Variants in ERAP1 observed in about 807,000 individuals in gnomAD.
ERAP1 encodes the protein adipocyte-derived leucine aminopeptidase.
Under a neutral mutation model 103.7 loss-of-function variants are expected in ERAP1, and 86 were observed. The observed-to-expected ratio is 0.83, with a 90% CI of 0.70 to 0.99. The LOEUF is 0.99. Ranked by LOEUF, ERAP1 falls within the 50% of genes least tolerant of loss-of-function variation. ERAP1 has a pLI of 0.00. For missense variants in ERAP1, 1,009 were observed against 1,128.4 expected (o/e 0.89, Z 1.52); for synonymous variants, 398 against 402.4 (o/e 0.99, Z 0.13).
chr5:96,917,451 A>G, the ERAP1 span: 2 of 1,607,290 alleles, frequency 1.2e-6, no homozygotes, highest in Non-Finnish European at 1.7e-6. Context: ...TTTTTCTTCA[A>G]TATTTTACAG....
At chr5:96,933,381 T>C in the ERAP1 span, among the ~76,000 whole-genome samples, 1 of 152,010 alleles carries the variant, frequency 6.6e-6, no homozygotes, top group Middle Eastern at 3.2e-3. Flanking sequence ...TACAGGTGTG[T>C]GCCACCACTC....
chr5:96,766,039 C>T, intron 19 of ERAP1: 3 of 1,398,700 alleles, frequency 2.1e-6, no homozygotes, highest in African/African-American at 1.4e-5. Flanking sequence ...TCTATCTGCT[C>T]ACTGTTGATA....
At chr5:96,833,841 A>G in the ERAP1 span, among the ~76,000 whole-genome samples, 1 of 151,754 alleles carries the variant, frequency 6.6e-6, no homozygotes, top group Non-Finnish European at 1.5e-5. Context: ...GAATTCTGAC[A>G]GGATTTTCTT....
At chr5:96,882,309 G>A in the ERAP1 span, among the ~76,000 whole-genome samples, 4 of 152,198 alleles carry the variant, frequency 2.6e-5, no homozygotes, top group Admixed American at 6.5e-5. Context: ...GGAGCTGTGG[G>A]AGATGAGAGG....
Position 96,803,598 on chromosome 5 carries a change from C to T in ERAP1, c.329G>A (p.Gly110Glu), listed in dbSNP as rs2151000604. Reference protein sequence around the residue: ...LQISRATLRKGAGERLSEEPL... With the variant: ...LQISRATLRKEAGERLSEEPL... The stretch of plus-strand genomic sequence containing the variant: ...TTCTTCCGATAGCCTCTCTCCAGCT[C>T]CCTTCCTGAGGGTGGCCCTAGATAT... The change falls in exon 2 of 19, where the codon GGA becomes GAA. Residue 110 changes from glycine (G) to glutamate (E), a missense_variant. By Grantham distance (98) the Gly-to-Glu change is moderately conservative. Coordinates refer to ENST00000443439, the MANE Select transcript of ERAP1 (RefSeq NM_001040458.3). The T allele has an allele frequency of 6.2e-7, 1 of 1,614,190 alleles. No homozygotes were observed. Among genetic ancestry groups the T allele is most frequent in the East Asian group, 2.2e-5 (1 of 44,888 alleles).
chr5:96,763,354 A>G, intron 19 of ERAP1: 1 of 707,156 alleles, frequency 1.4e-6, no homozygotes. Flanking sequence ...GTGTGTGTGT[A>G]TGTGCATGTG....
At chr5:96,776,589 A>G (rs767371397) in intron 18 of ERAP1, 38 bp from the exon 19 acceptor site, 28 of 1,604,878 alleles carry the variant, frequency 1.7e-5, no homozygotes, top group Non-Finnish European at 2.2e-5. Flanking sequence ...AATTAATTTT[A>G]TCACATTAAT....
chr5:96,784,370 T>C (rs1365122738), intron 13 of ERAP1, among the ~76,000 whole-genome samples: 4 of 151,868 alleles, frequency 2.6e-5, no homozygotes, highest in African/African-American at 9.7e-5. Flanking sequence ...TGGCAGGTAC[T>C]TGGTATGTGG....
chr5:96,889,229 T>C, the ERAP1 span: 2 of 1,614,158 alleles, frequency 1.2e-6, no homozygotes, highest in Non-Finnish European at 1.7e-6. Flanking sequence ...AAACACATTA[T>C]GCTTTGCAGG....
the ERAP1 span, among the ~76,000 whole-genome samples, chr5:96,834,752 A>G: frequency 8.5e-5 from 13 of 152,376 alleles, no homozygotes; most frequent in East Asian, 2.5e-3. Context: ...TGCTGTGGGA[A>G]GGAATAACAT....
the ERAP1 span, among the ~76,000 whole-genome samples, chr5:96,854,554 A>G: frequency 1.3e-5 from 2 of 152,192 alleles, no homozygotes; most frequent in Non-Finnish European, 2.9e-5. Context: ...TGTCCCCAGA[A>G]AACTTCACAT....
At chr5:96,893,440 C>T in the ERAP1 span, among the ~76,000 whole-genome samples, 51 of 152,174 alleles carry the variant, frequency 3.4e-4, 1 homozygote, top group Non-Finnish European at 7.3e-5. Flanking sequence ...CACTGTGCTT[C>T]GAGAACACAT....
chr5:96,896,146 G>A, the ERAP1 span, among the ~76,000 whole-genome samples: 3 of 152,018 alleles, frequency 2.0e-5, no homozygotes, highest in Admixed American at 1.3e-4. Flanking sequence ...AAACATTCAG[G>A]CAATGTCTGA....
chr5:96,908,961 T>G, the ERAP1 span: 3 of 1,613,852 alleles, frequency 1.9e-6, no homozygotes, highest in South Asian at 2.2e-5. Context: ...TATACTTCAG[T>G]GCAGGGAGAC....
chr5:96,904,102 A>T, the ERAP1 span, among the ~76,000 whole-genome samples: 9 of 152,240 alleles, frequency 5.9e-5, no homozygotes, highest in Non-Finnish European at 1.3e-4. Flanking sequence ...GTTGTTATGA[A>T]ATCTATTCAT....
At chr5:96,794,017 CT>C in intron 5 of ERAP1, 60 bp from the exon 6 acceptor site, 1 of 1,559,446 alleles carries the variant, frequency 6.4e-7, no homozygotes, top group Non-Finnish European at 8.8e-7. Context: ...CTCCCAAACA[CT>C]AATCTTCAGA....
At chr5:96,797,543 G>A (rs186529070) in intron 3 of ERAP1, among the ~76,000 whole-genome samples, 6 of 152,268 alleles carry the variant, frequency 3.9e-5, no homozygotes, top group Admixed American at 2.0e-4. Flanking sequence ...GTGCGTGCCT[G>A]TAGTCATAGC....
chr5:96,840,105 A>C, the ERAP1 span, among the ~76,000 whole-genome samples: 1 of 152,246 alleles, frequency 6.6e-6, no homozygotes, highest in Non-Finnish European at 1.5e-5. Flanking sequence ...ATTAGATGAA[A>C]GGAAGAATGG....
chr5:96,844,483 T>G, the ERAP1 span, among the ~76,000 whole-genome samples: 1 of 152,196 alleles, frequency 6.6e-6, no homozygotes, highest in African/African-American at 2.4e-5. Context: ...CACAACCAAT[T>G]TTGATATGTG....
Sources: gnomAD v4.1 joint callset for allele counts (sites outside exome capture counted in the v4.1 genomes callset) on GRCh38, gnomAD v4.1.1 for gene constraint, MANE v1.5 for transcripts, NCBI Gene and HGNC (gene_info 2026-07-23, HGNC 2026-07-21) for gene names.